FYN: variants seen among roughly 807,000 people sequenced by gnomAD.
FYN encodes tyrosine-protein kinase Fyn.
A neutral mutation model predicts 70.2 loss-of-function variants in FYN; 10 were observed. That is an observed-to-expected ratio of 0.14 (90% CI 0.09 to 0.24). FYN has a LOEUF of 0.24. FYN is among the 10% of genes least tolerant of loss of function. FYN has a pLI of 1.00. For missense variants in FYN, 319 were observed against 673.1 expected, an observed-to-expected ratio of 0.47 and a Z score of 5.82; for synonymous variants, 236 against 248.6, an observed-to-expected ratio of 0.95 and a Z score of 0.48.
chr6:111,662,077 A>G, intron 13 of FYN, 130 bp from the exon 14 acceptor site: 1 of 695,296 alleles, frequency 1.4e-6, no homozygotes. Flanking sequence ...CCATCCCCCC[A>G]GGAGTCAAAC....
At chr6:111,724,708 T>C (rs981281359) in intron 3 of FYN, among the ~76,000 whole-genome samples, 2 of 152,204 alleles carry the variant, frequency 1.3e-5, no homozygotes, top group Non-Finnish European at 2.9e-5. Flanking sequence ...GGGTGTATGC[T>C]CTTTTGTCTC....
chr6:111,714,815 A>G (rs1026420564), intron 4 of FYN, among the ~76,000 whole-genome samples: 8 of 152,218 alleles, frequency 5.3e-5, no homozygotes, highest in Non-Finnish European at 1.0e-4. Context: ...TGCTGGTCGT[A>G]TCTTCTCCTC....
chr6:111,769,958 G>A (rs72942168), intron 3 of FYN, among the ~76,000 whole-genome samples: 1,540 of 152,182 alleles, frequency 0.01, 12 homozygotes, highest in South Asian at 0.039. Context: ...CTGGAGAGGG[G>A]GAGAATGGCA....
At chr6:111,823,285 G>A (rs1319069273) in intron 2 of FYN, among the ~76,000 whole-genome samples, 2 of 152,186 alleles carry the variant, frequency 1.3e-5, no homozygotes, top group East Asian at 3.8e-4. Context: ...TCCAGCCCCA[G>A]CCGTGGCTGC....
chr6:111,661,631 G>C lies in FYN; in HGVS notation c.*108C>G. ...TCAGCTTCAGAGTCACATGCAATCT[G>C]ATCCTGGGCGGTTCCGCTGCTGGGG... On this transcript the variant is annotated 3_prime_UTR_variant, in exon 14 of 14. Coordinates refer to ENST00000354650, the MANE Select transcript of FYN (RefSeq NM_002037.5). The surrounding 1 kb of genome is among the most constrained non-coding windows in gnomAD (Gnocchi z 4.0). 2 of 1,043,986 alleles carry C rather than the reference G, an allele frequency of 1.9e-6. No individual in the cohort carries two copies. The highest frequency in any genetic ancestry group is 2.8e-6 in the Non-Finnish European group (2 of 703,098). 64.7% of individuals were successfully genotyped at this position (1,043,986 alleles called of 1,614,324 possible).
At chr6:111,755,525 G>A (rs1401523956) in intron 3 of FYN, among the ~76,000 whole-genome samples, 1 of 152,096 alleles carries the variant, frequency 6.6e-6, no homozygotes, top group African/African-American at 2.4e-5. Flanking sequence ...TTAATCTAAT[G>A]GGCATATTTA....
At chr6:111,666,640 G>T (rs868265015) in intron 13 of FYN, among the ~76,000 whole-genome samples, 5 of 152,136 alleles carry the variant, frequency 3.3e-5, no homozygotes, top group Non-Finnish European at 4.4e-5. Flanking sequence ...CGAGACCAGC[G>T]TGGGCAACAT....
chr6:111,668,336 C>T (rs1451138794), intron 13 of FYN, among the ~76,000 whole-genome samples: 1 of 152,216 alleles, frequency 6.6e-6, no homozygotes, highest in East Asian at 1.9e-4. Context: ...TAATGACTTG[C>T]TTTGTTTCTC....
chr6:111,840,698 A>G (rs1444607842), intron 2 of FYN, among the ~76,000 whole-genome samples: 1 of 152,220 alleles, frequency 6.6e-6, no homozygotes, highest in Non-Finnish European at 1.5e-5. Flanking sequence ...ATGTATTTTT[A>G]TGGCCTATAC....
At chr6:111,663,430 C>T (rs1188080683) in intron 13 of FYN, among the ~76,000 whole-genome samples, 2 of 152,224 alleles carry the variant, frequency 1.3e-5, no homozygotes, top group East Asian at 1.9e-4. Context: ...ACTCGGACTT[C>T]GGGGTCTGTT....
chr6:111,843,152 G>A lies in FYN; in HGVS notation c.-82+3437C>T, dbSNP rs377508205. ...CACTGAAACTGCAGAAATGGCAGGGGCCTCTCTCATGGCAGGCACTGAAAT... is the reference window on the plus strand; with the variant it reads ...CACTGAAACTGCAGAAATGGCAGGGACCTCTCTCATGGCAGGCACTGAAAT... On this transcript the variant is annotated intron_variant, in intron 2 of 13. Coordinates refer to ENST00000354650, the MANE Select transcript of FYN (RefSeq NM_002037.5). Among the ~76,000 whole-genome samples the A allele has an allele frequency of 6.7e-4, 102 of 152,312 alleles. 1 individual carries two copies. The highest frequency in any genetic ancestry group is 2.4e-3 in the African/African-American group (98 of 41,558).
chr6:111,812,711 A>G (rs747979020), intron 2 of FYN, among the ~76,000 whole-genome samples: 2 of 150,302 alleles, frequency 1.3e-5, no homozygotes, highest in African/African-American at 2.5e-5. Context: ...GAATGAGGCC[A>G]GAGACAAGTC....
intron 2 of FYN, among the ~76,000 whole-genome samples, chr6:111,788,330 C>A (rs1305182630): frequency 1.3e-5 from 2 of 152,222 alleles, no homozygotes; most frequent in South Asian, 2.1e-4. Context: ...CATTCTGTTG[C>A]ATTCAAAGGG....
chr6:111,710,263 A>G (rs1800306319), intron 5 of FYN, among the ~76,000 whole-genome samples: 2 of 152,206 alleles, frequency 1.3e-5, no homozygotes. Context: ...AATGGCTAGC[A>G]TCAATTTTAG....
chr6:111,724,761 G>A (rs1326350642), intron 3 of FYN, among the ~76,000 whole-genome samples: 2 of 152,192 alleles, frequency 1.3e-5, no homozygotes, highest in Non-Finnish European at 2.9e-5. Flanking sequence ...CAGCCCTTAG[G>A]CATAATCCCT....
intron 1 of FYN, among the ~76,000 whole-genome samples, chr6:111,866,378 C>G (rs1415986878): frequency 6.6e-6 from 1 of 152,166 alleles, no homozygotes; most frequent in Non-Finnish European, 1.5e-5. Context: ...GCCTCACTCT[C>G]TCGCCCAGGA....
At chr6:111,791,666 G>A (rs1310607690) in intron 2 of FYN, among the ~76,000 whole-genome samples, 1 of 152,166 alleles carries the variant, frequency 6.6e-6, no homozygotes, top group Non-Finnish European at 1.5e-5. Flanking sequence ...GAATAGGCAA[G>A]GAAGGACTCT....
chr6:111,681,525 T>G (rs1045195545), intron 12 of FYN, among the ~76,000 whole-genome samples: 3 of 152,138 alleles, frequency 2.0e-5, no homozygotes, highest in Non-Finnish European at 4.4e-5. Flanking sequence ...ATAACCTGTG[T>G]CCTGCACTTA....
At chr6:111,677,204 T>C (rs1050824059) in intron 12 of FYN, among the ~76,000 whole-genome samples, 5 of 152,234 alleles carry the variant, frequency 3.3e-5, no homozygotes, top group African/African-American at 1.2e-4. Flanking sequence ...AATGTCTTTG[T>C]CCAACTTCTC....
Sources: gnomAD v4.1 joint callset for allele counts (sites outside exome capture counted in the v4.1 genomes callset) on GRCh38, gnomAD v4.1.1 for gene constraint, Gnocchi (gnomAD v3.1) non-coding constraint, MANE v1.5 for transcripts, NCBI Gene and HGNC (gene_info 2026-07-23, HGNC 2026-07-21) for gene names.